SPARC: variants seen among roughly 807,000 people sequenced by gnomAD.
SPARC encodes the protein secreted protein acidic and cysteine rich.
A neutral mutation model predicts 37.7 loss-of-function variants in SPARC; 23 were observed. That is an observed-to-expected ratio of 0.61 (90% CI 0.44 to 0.87). The LOEUF (loss-of-function observed/expected upper bound fraction) is 0.87. Ranked by LOEUF, SPARC falls within the 40% of genes least tolerant of loss-of-function variation. The pLI is 0.00. For synonymous variants in SPARC, 155 were observed against 150.8 expected (o/e 1.03, Z -0.20); for missense variants, 312 against 389.0 (o/e 0.80, Z 1.66).
chr5:151,677,860 G>A (rs575573723), intron 1 of SPARC, among the ~76,000 whole-genome samples: 1 of 152,276 alleles, frequency 6.6e-6, no homozygotes, highest in Non-Finnish European at 1.5e-5. Context: ...AAGGACCTGG[G>A]GGTTTGGTAT....
chr5:151,678,541 A>G (rs1760913613), intron 1 of SPARC, among the ~76,000 whole-genome samples: 1 of 152,236 alleles, frequency 6.6e-6, no homozygotes, highest in South Asian at 2.1e-4. Context: ...AAGTAGGCAG[A>G]CAGGCATGGA....
chr5:151,685,412 C>CTTCT (rs1761111774), intron 1 of SPARC, among the ~76,000 whole-genome samples: 1 of 139,268 alleles, frequency 7.2e-6, no homozygotes, highest in African/African-American at 2.8e-5. Flanking sequence ...TCTCTCTCTC[C>CTTCT]CTCTCTCTCT....
At chr5:151,683,597 T>A (rs990340146) in intron 1 of SPARC, among the ~76,000 whole-genome samples, 1 of 152,218 alleles carries the variant, frequency 6.6e-6, no homozygotes, top group Non-Finnish European at 1.5e-5. Flanking sequence ...CCATATTATG[T>A]TTGACTGTGC....
chr5:151,666,285 G>A (rs2113085460), intron 8 of SPARC, 76 bp downstream of exon 8: 5 of 1,487,848 alleles, frequency 3.4e-6, no homozygotes, highest in Non-Finnish European at 4.6e-6. Flanking sequence ...AGTATAGGCT[G>A]CTGAGAGGCT....
intron 1 of SPARC, among the ~76,000 whole-genome samples, chr5:151,682,255 G>A (rs1227968244): frequency 2.0e-5 from 3 of 152,186 alleles, no homozygotes; most frequent in Non-Finnish European, 4.4e-5. Flanking sequence ...GTTTGGGGCT[G>A]GAATCAGCCC....
At chr5:151,670,791 G>A (rs529375214) in intron 5 of SPARC, among the ~76,000 whole-genome samples, 2 of 152,262 alleles carry the variant, frequency 1.3e-5, no homozygotes, top group East Asian at 3.9e-4. Context: ...GATGGGCACT[G>A]GTGACTGGGC....
intron 9 of SPARC, 82 bp downstream of exon 9, chr5:151,664,005 C>A (rs1174099151): frequency 3.3e-6 from 5 of 1,513,866 alleles, no homozygotes; most frequent in Admixed American, 3.4e-5. Flanking sequence ...ACCAAGAGAG[C>A]GGAGAGTGGG....
Position 151,666,468 on chromosome 5 carries a change from T to C in SPARC, c.627A>G (p.Gly209=). The part of the protein sequence containing the change: ...IHENEKRLEA[G]DHPVELLARD... ...GGGCCAGCAGCTCCACGGGGTGGTC[T>C]CCTGCCTCCAGGCGCTTCTCATTCT... Residue 209 remains glycine, a synonymous_variant, in exon 8 of 10, where the codon GGA becomes GGG. Transcript: ENST00000231061. 3 of 1,614,134 alleles carry C rather than the reference T, an allele frequency of 1.9e-6. No homozygotes were observed. Among genetic ancestry groups the C allele is most frequent in the Non-Finnish European group, 2.5e-6 (3 of 1,180,010 alleles).
In SPARC at chr5:151,674,678, T is replaced by G. The variant is rs746936267; in HGVS notation, c.58-4A>C. The G allele has an allele frequency of 2.8e-5, 46 of 1,614,068 alleles. No individual in the cohort carries two copies. In the South Asian group the frequency reaches 5.1e-4, roughly 18 times the overall value. ...CATCAGGCAGGGCTTCTTGCTGCTG[T>G]TGGAAAGAGAAAGTAGCGTTCAGAG... On this transcript the variant is annotated splice_region_variant and splice_polypyrimidine_tract_variant and intron_variant, in intron 2 of 9. Coordinates refer to ENST00000231061, the MANE Select transcript of SPARC (RefSeq NM_003118.4).
In SPARC at chr5:151,671,167, G is replaced by A. The variant is rs543857368; in HGVS notation, c.330+406C>T. 3.3e-5 allele frequency among the ~76,000 whole-genome samples: 5 copies of A among 152,284 alleles called. No individual in the cohort carries two copies. In the East Asian group the frequency reaches 9.6e-4, roughly 29 times the overall value. On this transcript the variant is annotated intron_variant, in intron 5 of 9. Transcript: ENST00000231061. ...TAAGGACTATTTTTATCCTCTCTTT[G>A]GATGTGAGAAAACTGAGACCTGAAA...
intron 1 of SPARC, among the ~76,000 whole-genome samples, chr5:151,676,752 C>T (rs1483760180): frequency 6.6e-6 from 1 of 152,152 alleles, no homozygotes; most frequent in Admixed American, 6.6e-5. Flanking sequence ...TTTCCCTAAA[C>T]CCAATCTCTC....
chr5:151,682,749 C>T (rs1581532727), intron 1 of SPARC, among the ~76,000 whole-genome samples: 1 of 152,322 alleles, frequency 6.6e-6, no homozygotes, highest in South Asian at 2.1e-4. Flanking sequence ...GCCAAATTTC[C>T]AGATGTTCAA....
At chr5:151,678,990 G>C (rs1760923878) in intron 1 of SPARC, 1 of 152,182 alleles carries the variant, frequency 6.6e-6, no homozygotes, top group Non-Finnish European at 1.5e-5. Context: ...AGAGCCCTGT[G>C]TCCATCCTGC....
At position 151,664,198 on chromosome 5, in the gene SPARC, G is replaced by T. The variant is rs765133097; in HGVS notation, c.772C>A (p.Pro258Thr). The T allele has an allele frequency of 1.1e-5, 18 of 1,614,172 alleles. No individual in the cohort carries two copies. The highest frequency in any genetic ancestry group is 1.5e-5 in the Non-Finnish European group (18 of 1,180,022). ...SHTELAPLRA[P>T]LIPMEHCTTR... ...GTGCAATGCTCCATGGGGATGAGGG[G>T]AGCACGCAGTGGAGCCAGCTCGGTG... The change falls in exon 9 of 10, where the codon CCC (proline) becomes ACC (threonine). Residue 258 changes from proline to threonine, a missense_variant. Coordinates refer to ENST00000231061, the MANE Select transcript of SPARC (RefSeq NM_003118.4).
At chr5:151,671,456 G>A (rs994086706) in intron 5 of SPARC, 117 bp downstream of exon 5, 6 of 1,247,628 alleles carry the variant, frequency 4.8e-6, no homozygotes, top group African/African-American at 4.6e-5. Context: ...TCTAGCAAGG[G>A]GACTTCTGAG....
Position 151,667,557 on chromosome 5 carries a change from C to A in SPARC, c.495G>T (p.Leu165=), listed in dbSNP as rs1262140671. 17 of 1,614,066 alleles carry A rather than the reference C, an allele frequency of 1.1e-5. No homozygotes were observed. The highest frequency in any genetic ancestry group is 1.4e-5 in the Non-Finnish European group (16 of 1,180,034). Residue 165 remains leucine, a synonymous_variant, in exon 7 of 10, where the codon CTG becomes CTT. Transcript: ENST00000231061. ...CGTTCTTGAGCCAGTCCCGCATGCG[C>A]AGGGGGAATTCGGTCAGCTCAGAGT... ...CLDSELTEFP[L]RMRDWLKNVL...
chr5:151,675,581 G>C (rs1260053770), intron 2 of SPARC, among the ~76,000 whole-genome samples: 1 of 152,128 alleles, frequency 6.6e-6, no homozygotes, highest in Non-Finnish European at 1.5e-5. Context: ...CAATATCTCA[G>C]AGACTGTCCA....
At chr5:151,679,920 A>G (rs1029078308) in intron 1 of SPARC, among the ~76,000 whole-genome samples, 3 of 152,236 alleles carry the variant, frequency 2.0e-5, no homozygotes, top group African/African-American at 7.2e-5. Context: ...AGTTGCCATC[A>G]TTAAATCTTA....
At chr5:151,677,087 G>A (rs534537347) in intron 1 of SPARC, 2 of 152,302 alleles carry the variant, frequency 1.3e-5, no homozygotes, top group African/African-American at 4.8e-5. Context: ...CCAAGCTCTA[G>A]ACTCTAATAC....
Sources: allele counts gnomAD v4.1 joint callset (sites outside exome capture counted in the v4.1 genomes callset), GRCh38; gene constraint gnomAD v4.1.1; transcripts MANE v1.5; gene names NCBI Gene and HGNC (gene_info 2026-07-23, HGNC 2026-07-21).